Variants in LRFN5 observed in about 807,000 individuals in gnomAD.
LRFN5 encodes the protein leucine rich repeat and fibronectin type III domain containing 5, also known as leucine-rich repeat and fibronectin type-III domain-containing protein 5.
In LRFN5, 24 loss-of-function variants were observed where a neutral mutation model predicts 45.6. The observed-to-expected ratio is 0.53, with a 90% CI of 0.38 to 0.74. The LOEUF is 0.74. LRFN5 is among the 30% of genes least tolerant of loss of function. The probability of loss-of-function intolerance (pLI) is 0.00; values close to 1 mark genes in which losing one functional copy is unlikely to be tolerated. For synonymous variants in LRFN5, 340 were observed against 313.8 expected (o/e 1.08, Z -0.88); for missense variants, 776 against 861.5 (o/e 0.90, Z 1.24).
Position 41,608,029 on chromosome 14 carries a change from C to T in LRFN5, c.-730C>T, listed in dbSNP as rs1887567295. ...TCCCTCCTCCCCACCAAAATGTCAC[C>T]AGCTCTTGAATTACGTGGATTCGGG... On this transcript the variant is annotated 5_prime_UTR_variant, in exon 1 of 6. Transcript: ENST00000298119. 6.6e-6 allele frequency: 1 copy of T among 152,222 alleles called. No homozygotes were observed. Among genetic ancestry groups the T allele is most frequent in the Admixed American group, 6.5e-5 (1 of 15,276 alleles). The allele number at this position is 152,222 out of a possible 1,614,324, so 9.4% of individuals were successfully genotyped here.
intron 2 of LRFN5, among the ~76,000 whole-genome samples, chr14:41,800,787 AC>A (rs1887301389): frequency 6.6e-6 from 1 of 151,008 alleles, no homozygotes; most frequent in Non-Finnish European, 1.5e-5. Context: ...GAAAAAAAAA[AC>A]ACTGCAGTTC....
At chr14:41,647,899 C>T (rs773058563) in intron 1 of LRFN5, among the ~76,000 whole-genome samples, 1 of 152,084 alleles carries the variant, frequency 6.6e-6, no homozygotes, top group Admixed American at 6.6e-5. Context: ...AATATCTAAA[C>T]TCAGGTAATT....
intron 1 of LRFN5, among the ~76,000 whole-genome samples, chr14:41,683,225 A>G (rs1881981631): frequency 6.6e-6 from 1 of 152,200 alleles, no homozygotes; most frequent in African/African-American, 2.4e-5. Context: ...AATCCATATG[A>G]TCATTTCAAT....
intron 1 of LRFN5, among the ~76,000 whole-genome samples, chr14:41,686,093 C>T (rs1372398139): frequency 6.6e-6 from 1 of 152,058 alleles, no homozygotes; most frequent in African/African-American, 2.4e-5. Context: ...TCGTCCTAGA[C>T]ATGAGGATGG....
chr14:41,885,655 C>T (rs565069014), intron 2 of LRFN5, among the ~76,000 whole-genome samples: 40 of 152,152 alleles, frequency 2.6e-4, no homozygotes, highest in South Asian at 4.2e-4. Flanking sequence ...TTAGGGAACT[C>T]GGAGCTATTG....
At chr14:41,733,143 G>T (rs1884255050) in intron 1 of LRFN5, among the ~76,000 whole-genome samples, 1 of 151,870 alleles carries the variant, frequency 6.6e-6, no homozygotes, top group Admixed American at 6.6e-5. Flanking sequence ...AGTTAGAAAG[G>T]AGCAGAGAGA....
At chr14:41,612,367 C>A (rs531253894) in intron 1 of LRFN5, among the ~76,000 whole-genome samples, 226 of 152,200 alleles carry the variant, frequency 1.5e-3, no homozygotes, top group Non-Finnish European at 2.8e-3. Flanking sequence ...GCTTAACTGG[C>A]TAACCTATTA....
intron 1 of LRFN5, among the ~76,000 whole-genome samples, chr14:41,765,137 CG>C (rs1215691089): frequency 1.3e-5 from 2 of 151,736 alleles, no homozygotes; most frequent in Non-Finnish European, 2.9e-5. Context: ...GTCAGGAGAT[CG>C]AGACCATCCT....
rs1043609913 is a variant in LRFN5, at chr14:41,673,440, G to T, written c.-197+64878G>T. ...GCCGGACCGGGCGGCTGGCCGGGCG[G>T]GGGGGCTGACCCCCCCACCTCCCTC... is the stretch of plus-strand genomic sequence containing the variant. On this transcript the variant is annotated intron_variant, in intron 1 of 5. Transcript: ENST00000298119. Among the ~76,000 whole-genome samples the T allele has an allele frequency of 2.5e-4, 36 of 143,246 alleles. 1 individual carries two copies. Among genetic ancestry groups the T allele is most frequent in the South Asian group, 6.7e-4 (3 of 4,484 alleles). The allele number at this position is 143,246 out of a possible 152,430, so 94.0% of individuals were successfully genotyped here. A position where few individuals can be genotyped will look rare whatever the true frequency, so the allele number is the denominator to read the frequency against.
At chr14:41,731,308 C>T (rs544677543) in intron 1 of LRFN5, 1 of 152,036 alleles carries the variant, frequency 6.6e-6, no homozygotes, top group Admixed American at 6.6e-5. Context: ...CTCTCTCTCT[C>T]TTTTTAAATT....
intron 1 of LRFN5, among the ~76,000 whole-genome samples, chr14:41,672,162 T>C (rs192938541): frequency 6.6e-6 from 1 of 152,346 alleles, no homozygotes; most frequent in Admixed American, 6.5e-5. Flanking sequence ...CTTACCTCAC[T>C]AGACGTTAGG....
intron 1 of LRFN5, among the ~76,000 whole-genome samples, chr14:41,657,710 C>T (rs935967985): frequency 4.0e-5 from 6 of 151,768 alleles, no homozygotes; most frequent in Admixed American, 3.3e-4. Flanking sequence ...ACGTACATAC[C>T]CATAGTCATT....
At chr14:41,778,925 A>T (rs140537224) in intron 2 of LRFN5, among the ~76,000 whole-genome samples, 2 of 151,838 alleles carry the variant, frequency 1.3e-5, no homozygotes, top group African/African-American at 4.8e-5. Flanking sequence ...GGGATTTTCT[A>T]TGTAGACAGA....
At chr14:41,852,840 C>T (rs1889318861) in intron 2 of LRFN5, among the ~76,000 whole-genome samples, 1 of 151,950 alleles carries the variant, frequency 6.6e-6, no homozygotes, top group South Asian at 2.1e-4. Flanking sequence ...CACATTGTGA[C>T]AGGTACCATG....
intron 2 of LRFN5, among the ~76,000 whole-genome samples, chr14:41,808,807 C>T (rs146001997): frequency 6.6e-6 from 1 of 152,138 alleles, no homozygotes; most frequent in East Asian, 1.9e-4. Flanking sequence ...AGATAACTTT[C>T]AGGCTTTGAG....
intron 1 of LRFN5, among the ~76,000 whole-genome samples, chr14:41,724,212 G>A (rs1039374015): frequency 3.3e-5 from 5 of 152,038 alleles, no homozygotes; most frequent in Admixed American, 3.3e-4. Context: ...AAATACAACT[G>A]ACAGAGTTGA....
chr14:41,737,002 G>A (rs1489205235), intron 1 of LRFN5, among the ~76,000 whole-genome samples: 1 of 152,100 alleles, frequency 6.6e-6, no homozygotes, highest in Non-Finnish European at 1.5e-5. Context: ...CTCATTTTCT[G>A]AGGCCAGCAT....
intron 1 of LRFN5, among the ~76,000 whole-genome samples, chr14:41,753,324 C>T (rs61992408): frequency 5.3e-5 from 8 of 152,140 alleles, no homozygotes; most frequent in African/African-American, 1.7e-4. Flanking sequence ...TAGCTTGATG[C>T]GGATGGCATT....
At chr14:41,728,925 A>G (rs1884051437) in intron 1 of LRFN5, among the ~76,000 whole-genome samples, 1 of 152,122 alleles carries the variant, frequency 6.6e-6, no homozygotes, top group Non-Finnish European at 1.5e-5. Flanking sequence ...AATTTTAAAG[A>G]TTCATCCATT....
Sources: gnomAD v4.1 joint callset for allele counts (sites outside exome capture counted in the v4.1 genomes callset) on GRCh38, gnomAD v4.1.1 for gene constraint, MANE v1.5 for transcripts, NCBI Gene and HGNC (gene_info 2026-07-23, HGNC 2026-07-21) for gene names.